STRN: variants seen among roughly 807,000 people sequenced by gnomAD.
STRN encodes striatin, also known as protein phosphatase 2 regulatory subunit B'''alpha.
A neutral mutation model predicts 96.3 loss-of-function variants in STRN; 53 were observed. The observed-to-expected ratio is 0.55, with a 90% CI of 0.44 to 0.69. The LOEUF (loss-of-function observed/expected upper bound fraction) is 0.69. Among genes scored for constraint, STRN ranks in the 30% least tolerant of loss-of-function variants. The pLI is 0.00. For missense variants in STRN, 987 were observed against 963.9 expected (o/e 1.02, Z -0.32); for synonymous variants, 428 against 355.9 (o/e 1.20, Z -2.28).
chr2:36,909,318 T>C (rs561507507), intron 3 of STRN, among the ~76,000 whole-genome samples: 319 of 152,264 alleles, frequency 2.1e-3, no homozygotes, highest in African/African-American at 7.4e-3. Flanking sequence ...AAAAGTGACA[T>C]TATATAAAAG....
intron 1 of STRN, among the ~76,000 whole-genome samples, chr2:36,945,253 G>A (rs1439648638): frequency 6.6e-6 from 1 of 152,158 alleles, no homozygotes; most frequent in Admixed American, 6.5e-5. Context: ...ATAAAAATGG[G>A]TAAGTAAATT....
rs757864746 is a variant in STRN, at chr2:36,878,061, T to C, written c.1187-34A>G. On this transcript the variant is annotated intron_variant, in intron 9 of 17. Coordinates refer to ENST00000263918, the MANE Select transcript of STRN (RefSeq NM_003162.4). ...GGAAGACAAAGGAAACATTAAAAAA[T>C]CTCTAAGGAGCCAACATTTAGTCTC... 7 of 1,609,674 alleles carry C rather than the reference T, an allele frequency of 4.3e-6. No individual in the cohort carries two copies. The African/African-American group carries it at 5.3e-5, about 12-fold the overall frequency.
intron 1 of STRN, among the ~76,000 whole-genome samples, chr2:36,927,211 A>G (rs1670433384): frequency 6.6e-6 from 1 of 152,280 alleles, no homozygotes; most frequent in Non-Finnish European, 1.5e-5. Context: ...ATTACAATTA[A>G]AAGTATAATC....
At chr2:36,921,433 C>T (rs981052896) in intron 2 of STRN, among the ~76,000 whole-genome samples, 4 of 152,186 alleles carry the variant, frequency 2.6e-5, no homozygotes, top group African/African-American at 9.6e-5. Context: ...AATACTTGTT[C>T]TATCAACTAC....
chr2:36,903,252 T>C (rs1044963810), intron 4 of STRN, among the ~76,000 whole-genome samples: 1 of 152,146 alleles, frequency 6.6e-6, no homozygotes, highest in African/African-American at 2.4e-5. Context: ...AAAATAAAAA[T>C]AGACTGCAAT....
At chr2:36,900,502 C>T (rs989663916) in intron 5 of STRN, among the ~76,000 whole-genome samples, 1 of 152,200 alleles carries the variant, frequency 6.6e-6, no homozygotes, top group Non-Finnish European at 1.5e-5. Context: ...AACATTGCTA[C>T]TAGACTCGAC....
At chr2:36,882,268 GAC>G (rs1669092520) in intron 9 of STRN, among the ~76,000 whole-genome samples, 1 of 151,900 alleles carries the variant, frequency 6.6e-6, no homozygotes, top group Admixed American at 6.6e-5. Context: ...AATTTGAAGA[GAC>G]AATGCAAATA....
At chr2:36,930,598 G>C (rs1311728103) in intron 1 of STRN, among the ~76,000 whole-genome samples, 7 of 152,064 alleles carry the variant, frequency 4.6e-5, no homozygotes, top group Non-Finnish European at 8.8e-5. Flanking sequence ...AAGTACCCAG[G>C]TGATAATGCT....
At chr2:36,858,080 G>C (rs1405349014) in intron 13 of STRN, 57 bp from the exon 14 acceptor site, 1 of 1,433,502 alleles carries the variant, frequency 7.0e-7, no homozygotes, top group African/African-American at 1.4e-5. Context: ...AAGGTACTTA[G>C]ATTTCAGAGA....
chr2:36,963,695 C>T lies in STRN; in HGVS notation c.234+2535G>A, dbSNP rs760279802. Among the ~76,000 whole-genome samples the T allele has an allele frequency of 9.1e-4, 139 of 152,138 alleles. 1 individual carries two copies. Among genetic ancestry groups the T allele is most frequent in the Non-Finnish European group, 1.4e-3 (96 of 68,024 alleles). On this transcript the variant is annotated intron_variant, in intron 1 of 17. Coordinates refer to ENST00000263918, the MANE Select transcript of STRN (RefSeq NM_003162.4). ...GTCCTTGGCCGGGCACAGTGGCTCA[C>T]GCCTGTAATACCAGCACTTTGGGAG...
intron 11 of STRN, among the ~76,000 whole-genome samples, chr2:36,869,276 A>C (rs1170364686): frequency 6.6e-6 from 1 of 152,222 alleles, no homozygotes; most frequent in Non-Finnish European, 1.5e-5. Context: ...GGGCTCCCCA[A>C]ATATAGCAGC....
intron 7 of STRN, among the ~76,000 whole-genome samples, chr2:36,893,497 ATGAC>A (rs909822002): frequency 1.4e-4 from 22 of 152,216 alleles, no homozygotes; most frequent in African/African-American, 4.8e-4. Context: ...TTTATGATAA[ATGAC>A]TGACTACAAT....
At chr2:36,919,335 C>G (rs959219218) in intron 2 of STRN, among the ~76,000 whole-genome samples, 1 of 152,128 alleles carries the variant, frequency 6.6e-6, no homozygotes, top group African/African-American at 2.4e-5. Flanking sequence ...TAATCTAATT[C>G]GGTCAAAACT....
At chr2:36,940,364 G>C (rs1028626274) in intron 1 of STRN, among the ~76,000 whole-genome samples, 5 of 152,158 alleles carry the variant, frequency 3.3e-5, no homozygotes, top group African/African-American at 1.2e-4. Flanking sequence ...AAAGAACCAT[G>C]AGAATATATA....
chr2:36,886,816 G>T lies in STRN; in HGVS notation c.942C>A (p.Asp314Glu). Residue 314 changes from aspartate to glutamate, a missense_variant, in exon 8 of 18, where the codon GAC becomes GAA. By Grantham distance (45) the Asp-to-Glu change is conservative. Coordinates refer to ENST00000263918, the MANE Select transcript of STRN (RefSeq NM_003162.4). ...AGDGTDWEKEDQCLMPEAWNV... is the reference protein window; with the variant it reads ...AGDGTDWEKEEQCLMPEAWNV... The stretch of plus-strand genomic sequence containing the variant: ...TCCAGGCTTCAGGCATGAGACACTG[G>T]TCTTCCTTTTCTAAACAGAGTGAAA... The T allele has an allele frequency of 6.2e-7, 1 of 1,611,764 alleles. No individual in the cohort carries two copies. The highest frequency in any genetic ancestry group is 8.5e-7 in the Non-Finnish European group (1 of 1,178,922).
intron 12 of STRN, among the ~76,000 whole-genome samples, chr2:36,865,586 G>C (rs1668600248): frequency 1.3e-5 from 2 of 151,840 alleles, no homozygotes; most frequent in African/African-American, 4.8e-5. Flanking sequence ...TTTTGAGATG[G>C]AATCTCACTC....
In STRN at chr2:36,841,731, A is replaced by T. The variant is rs1572613151; in HGVS notation, c.*7725T>A. ...GCTTATATTTTTACAGCTTCCTAAA[A>T]TATAATGAAAACTATTTCCTCTGAC... On this transcript the variant is annotated 3_prime_UTR_variant, in exon 18 of 18. Coordinates refer to ENST00000263918, the MANE Select transcript of STRN (RefSeq NM_003162.4). 2 of 152,354 alleles carry T rather than the reference A, an allele frequency of 1.3e-5. No individual in the cohort carries two copies. Among genetic ancestry groups the T allele is most frequent in the South Asian group, 4.1e-4 (2 of 4,832 alleles). The allele number at this position is 152,354 out of a possible 1,614,324, so 9.4% of individuals were successfully genotyped here. A position where few individuals can be genotyped will look rare whatever the true frequency, so the allele number is the denominator to read the frequency against.
chr2:36,906,879 G>A lies in STRN; in HGVS notation c.413-1261C>T, dbSNP rs2148206252. 2.0e-5 allele frequency among the ~76,000 whole-genome samples: 3 copies of A among 151,338 alleles called. No individual in the cohort carries two copies. The Middle Eastern group carries it at 0.01, about 518-fold the overall frequency. On this transcript the variant is annotated intron_variant, in intron 3 of 17. Coordinates refer to ENST00000263918, the MANE Select transcript of STRN (RefSeq NM_003162.4). ...GAGGTTGCAGTGAGCCGAGATGATT[G>A]CGCCATTGCACTCCAGCGTGGGCGA...
At chr2:36,860,912 G>A (rs187427630) in intron 13 of STRN, among the ~76,000 whole-genome samples, 35 of 152,324 alleles carry the variant, frequency 2.3e-4, no homozygotes, top group Non-Finnish European at 4.4e-4. Context: ...CTTTAGAGAA[G>A]TGGGAACTGT....
Sources: gnomAD v4.1 joint callset for allele counts (sites outside exome capture counted in the v4.1 genomes callset) on GRCh38, gnomAD v4.1.1 for gene constraint, MANE v1.5 for transcripts, NCBI Gene and HGNC (gene_info 2026-07-23, HGNC 2026-07-21) for gene names.